The following BDH1 variants were observed in gnomAD, a reference collection of about 807,000 sequenced individuals.
BDH1 encodes the protein D-beta-hydroxybutyrate dehydrogenase, mitochondrial.
BDH1 carries 30 observed loss-of-function variants against 33.1 expected under a neutral mutation model. The observed-to-expected ratio is 0.91, with a 90% CI of 0.68 to 1.23. The LOEUF (loss-of-function observed/expected upper bound fraction) is 1.23, where lower values mean the gene tolerates loss of function less well. Among genes scored for constraint, BDH1 ranks in the 50% most tolerant of loss-of-function variants. BDH1 has a pLI of 0.00. For synonymous variants in BDH1, 190 were observed against 183.6 expected, an observed-to-expected ratio of 1.03 and a Z score of -0.28; for missense variants, 443 against 464.4, an observed-to-expected ratio of 0.95 and a Z score of 0.42.
At chr3:197,548,790 G>A (rs1716304699) in intron 2 of BDH1, among the ~76,000 whole-genome samples, 1 of 152,072 alleles carries the variant, frequency 6.6e-6, no homozygotes, top group African/African-American at 2.4e-5. Context: ...GGCGGAGGTT[G>A]CAGTGAGCTG....
At chr3:197,565,252 G>T (rs1560348382) in intron 1 of BDH1, among the ~76,000 whole-genome samples, 1 of 152,118 alleles carries the variant, frequency 6.6e-6, no homozygotes, top group East Asian at 1.9e-4. Context: ...AGGGCTTATT[G>T]TTTGGAAAAT....
intron 3 of BDH1, among the ~76,000 whole-genome samples, chr3:197,543,743 C>T (rs969154596): frequency 9.2e-5 from 14 of 152,068 alleles, no homozygotes; most frequent in African/African-American, 3.4e-4. Flanking sequence ...GACCATTCAG[C>T]GGGGAGACCT....
rs2004112835 is a variant in BDH1, at chr3:197,521,164, G to C, written c.409+1476C>G. 6.6e-6 allele frequency among the ~76,000 whole-genome samples: 1 copy of C among 152,302 alleles called. No homozygotes were observed. Among genetic ancestry groups the C allele is most frequent in the Non-Finnish European group, 1.5e-5 (1 of 68,024 alleles). On this transcript the variant is annotated intron_variant, in intron 6 of 7. Transcript: ENST00000392379. The surrounding 1 kb of genome is among the most constrained non-coding windows in gnomAD (Gnocchi z 4.9). ...CTGCCCCACCCCATTCTGAGGGAAA[G>C]CAGAGGCCTGAATGACGCACACCCT... is the stretch of plus-strand genomic sequence containing the variant.
In BDH1 at chr3:197,570,090, A is replaced by C. The variant is rs566531101; in HGVS notation, c.-44+3091T>G. 6.6e-5 allele frequency among the ~76,000 whole-genome samples: 10 copies of C among 152,310 alleles called. No homozygotes were observed. The South Asian group carries it at 2.1e-3, about 32-fold the overall frequency. ...TGGAGATGAGGCACTTGGGAACTGGAGTAAAGGTGACTCTTGTTATGTTTT... is the reference window on the plus strand; with the variant it reads ...TGGAGATGAGGCACTTGGGAACTGGCGTAAAGGTGACTCTTGTTATGTTTT... On this transcript the variant is annotated intron_variant, in intron 1 of 6. Transcript: ENST00000358186.
rs1713404488 is a variant in BDH1 at position 197,520,340 on chromosome 3, C to T, written c.409+2300G>A. ...AGGAAGTTGATGGTGAGAGGTTCAT[C>T]CAGCCCTCCGGAATGCCCGGCGTGG... On this transcript the variant is annotated intron_variant, in intron 6 of 7. Transcript: ENST00000392379. The surrounding 1 kb of genome is among the most constrained non-coding windows in gnomAD (Gnocchi z 6.0). 6.6e-6 allele frequency among the ~76,000 whole-genome samples: 1 copy of T among 151,944 alleles called. No individual in the cohort carries two copies. Among genetic ancestry groups the T allele is most frequent in the African/African-American group, 2.4e-5 (1 of 41,388 alleles).
intron 1 of BDH1, among the ~76,000 whole-genome samples, chr3:197,566,733 A>T (rs1224592269): frequency 6.6e-6 from 1 of 152,202 alleles, no homozygotes; most frequent in Non-Finnish European, 1.5e-5. Flanking sequence ...AGTCTTGCCT[A>T]ACGTTTCTTG....
chr3:197,566,293 T>C (rs921700981), intron 1 of BDH1, among the ~76,000 whole-genome samples: 4 of 152,348 alleles, frequency 2.6e-5, no homozygotes, highest in South Asian at 2.1e-4. Flanking sequence ...AATTGACTTA[T>C]GGAGGCAATA....
chr3:197,554,042 T>A lies in BDH1; in HGVS notation c.-44+520A>T, dbSNP rs1433635086. Among the ~76,000 whole-genome samples the A allele has an allele frequency of 1.3e-5, 2 of 152,170 alleles. No individual in the cohort carries two copies. Among genetic ancestry groups the A allele is most frequent in the Admixed American group, 6.5e-5 (1 of 15,280 alleles). On this transcript the variant is annotated intron_variant, in intron 2 of 7. Coordinates refer to ENST00000392379, the MANE Select transcript of BDH1 (RefSeq NM_203314.3). This position sits in a 1 kb window ranked among gnomAD's most constrained non-coding sequence, Gnocchi z 4.4. The stretch of plus-strand genomic sequence containing the variant: ...CTCCAAACCGTATCTCCAACTATAC[T>A]TTTCTCCTCTACTCATTCAACCGTT...
intron 3 of BDH1, 119 bp downstream of exon 3, chr3:197,546,242 G>A (rs975458827): frequency 1.0e-6 from 1 of 963,538 alleles, no homozygotes. Context: ...GGGAGACAAA[G>A]GTATTGAGAG....
chr3:197,570,029 T>C (rs529165798), intron 1 of BDH1, among the ~76,000 whole-genome samples: 1 of 152,324 alleles, frequency 6.6e-6, no homozygotes, highest in East Asian at 1.9e-4. Flanking sequence ...CTGACAATGA[T>C]ATGGACAATG....
intron 5 of BDH1, 127 bp downstream of exon 5, chr3:197,532,285 C>T (rs915151014): frequency 1.4e-5 from 10 of 701,768 alleles, no homozygotes; most frequent in Non-Finnish European, 2.5e-5. Flanking sequence ...GGGACTGAAG[C>T]CGATGGAAAA....
At chr3:197,533,467 G>T (rs766469224) in intron 4 of BDH1, 22 bp downstream of exon 4, 1 of 1,612,906 alleles carries the variant, frequency 6.2e-7, no homozygotes, top group Non-Finnish European at 8.5e-7. Flanking sequence ...ACTGGCTCCC[G>T]GGTAGCTGGG....
chr3:197,512,624 G>C (rs986954880), intron 7 of BDH1, among the ~76,000 whole-genome samples: 1 of 152,218 alleles, frequency 6.6e-6, no homozygotes, highest in Non-Finnish European at 1.5e-5. Context: ...TGGGCAACAC[G>C]CAACTGACTC....
chr3:197,546,869 T>A (rs1380339499), intron 2 of BDH1, among the ~76,000 whole-genome samples: 2 of 152,166 alleles, frequency 1.3e-5, no homozygotes, highest in Admixed American at 6.5e-5. Flanking sequence ...GTCCTATTCC[T>A]CTAACCTGCT....
In BDH1 at chr3:197,526,135, G is replaced by C. The variant is rs558403187; in HGVS notation, c.268-3354C>G. On this transcript the variant is annotated intron_variant, in intron 5 of 7. Coordinates refer to ENST00000392379, the MANE Select transcript of BDH1 (RefSeq NM_203314.3). The surrounding 1 kb of genome is among the most constrained non-coding windows in gnomAD (Gnocchi z 4.7). ...CACTCATTCTCAGACAGTGGACAGA[G>C]AGCCTCTTTGTTTTGGCATGAAGAG... 1.3e-5 allele frequency among the ~76,000 whole-genome samples: 2 copies of C among 152,278 alleles called. No homozygotes were observed. The highest frequency in any genetic ancestry group is 1.9e-4 in the East Asian group (1 of 5,194).
chr3:197,533,792 A>C, intron 3 of BDH1: 1 of 507,572 alleles, frequency 2.0e-6, no homozygotes, highest in East Asian at 3.1e-5. Flanking sequence ...CTGAGAATAA[A>C]GCCAATTCTG....
At chr3:197,560,827 T>C (rs577081476), upstream of BDH1, among the ~76,000 whole-genome samples, 1 of 152,316 alleles carries the variant, frequency 6.6e-6, no homozygotes, top group African/African-American at 2.4e-5. Flanking sequence ...GAGATAAATG[T>C]GTATCTGATT....
At position 197,522,630 on chromosome 3, in the gene BDH1, G is replaced by C; in HGVS notation, c.409+10C>G. ...ATACACAACCCCTGCCGTCCGAAGGGGCGCCCTACCTTTCTCAGGGTCCTT... is the reference window on the plus strand; with the variant it reads ...ATACACAACCCCTGCCGTCCGAAGGCGCGCCCTACCTTTCTCAGGGTCCTT... On this transcript the variant is annotated intron_variant, in intron 6 of 7. Transcript: ENST00000392379. This position sits in a 1 kb window ranked among gnomAD's most constrained non-coding sequence, Gnocchi z 4.8. 1 of 1,613,960 alleles carries C rather than the reference G, an allele frequency of 6.2e-7. No individual in the cohort carries two copies. The highest frequency in any genetic ancestry group is 1.1e-5 in the South Asian group (1 of 91,054).
rs1716877998 is a variant in BDH1 at position 197,554,865 on chromosome 3, G to C, written c.-195-152C>G. Among the ~76,000 whole-genome samples the C allele has an allele frequency of 6.6e-6, 1 of 152,246 alleles. No individual in the cohort carries two copies. The highest frequency in any genetic ancestry group is 2.4e-5 in the African/African-American group (1 of 41,462). On this transcript the variant is annotated intron_variant, in intron 1 of 7. Transcript: ENST00000392379. This position sits in a 1 kb window ranked among gnomAD's most constrained non-coding sequence, Gnocchi z 4.4. The stretch of plus-strand genomic sequence containing the variant: ...ACCGACCGGAGCGCTCAAACCCACA[G>C]GGTATCTATCAGGCGCGCGTCAGCA...
Sources: allele counts gnomAD v4.1 joint callset (sites outside exome capture counted in the v4.1 genomes callset), GRCh38; gene constraint gnomAD v4.1.1; non-coding constraint Gnocchi (gnomAD v3.1); transcripts MANE v1.5; gene names NCBI Gene and HGNC (gene_info 2026-07-23, HGNC 2026-07-21).